PDLIM5: variants seen among roughly 807,000 people sequenced by gnomAD.
PDLIM5 encodes PDZ and LIM domain protein 5.
In PDLIM5, 34 loss-of-function variants were observed where a neutral mutation model predicts 64.2. The ratio of observed to expected loss-of-function variants is 0.53; its 90% confidence interval spans 0.40 to 0.71. The LOEUF (loss-of-function observed/expected upper bound fraction) is 0.71. PDLIM5 is among the 30% of genes least tolerant of loss of function. The pLI, the probability that PDLIM5 is intolerant of heterozygous loss-of-function variation, is 0.00. For missense variants in PDLIM5, 683 were observed against 733.6 expected (o/e 0.93, Z 0.80); for synonymous variants, 253 against 269.1 (o/e 0.94, Z 0.59).
intron 8 of PDLIM5, among the ~76,000 whole-genome samples, chr4:94,622,816 G>C (rs1739348856): frequency 6.6e-6 from 1 of 151,950 alleles, no homozygotes; most frequent in Non-Finnish European, 1.5e-5. Context: ...GACTACAGGT[G>C]CCTGCCACCA....
Position 94,665,826 on chromosome 4 carries a change from C to T in PDLIM5, c.*1759C>T, listed in dbSNP as rs1395235410. On this transcript the variant is annotated 3_prime_UTR_variant, in exon 13 of 13. Coordinates refer to ENST00000317968, the MANE Select transcript of PDLIM5 (RefSeq NM_006457.5). ...ACAAAGTTTGGAAAGCTTTTATTCACAGAGGTTGGGTAGTGTTGGGAGGGG... is the reference window on the plus strand; with the variant it reads ...ACAAAGTTTGGAAAGCTTTTATTCATAGAGGTTGGGTAGTGTTGGGAGGGG... 2 of 1,296,212 alleles carry T rather than the reference C, an allele frequency of 1.5e-6. No individual in the cohort carries two copies. Among genetic ancestry groups the T allele is most frequent in the African/African-American group, 3.0e-5 (2 of 65,810 alleles). 80.3% of individuals were successfully genotyped at this position (1,296,212 alleles called of 1,614,324 possible). A position where few individuals can be genotyped will look rare whatever the true frequency, so the allele number is the denominator to read the frequency against.
intron 3 of PDLIM5, among the ~76,000 whole-genome samples, chr4:94,572,033 T>G (rs568489607): frequency 1.3e-5 from 2 of 152,318 alleles, no homozygotes; most frequent in African/African-American, 4.8e-5. Context: ...TTTGGAAAAT[T>G]CAGTTGCTGC....
intron 2 of PDLIM5, chr4:94,456,919 C>T (rs747924052): frequency 1.1e-4 from 111 of 1,002,450 alleles, no homozygotes; most frequent in East Asian, 6.6e-4. Context: ...CTGTGCTGTG[C>T]GCTCACATGA....
intron 2 of PDLIM5, among the ~76,000 whole-genome samples, chr4:94,498,679 A>G (rs560860227): frequency 1.8e-4 from 28 of 152,338 alleles, no homozygotes; most frequent in African/African-American, 6.0e-4. Flanking sequence ...GAATGAATGA[A>G]TGCATGTGTG....
Position 94,665,817 on chromosome 4 carries a change from T to C in PDLIM5, c.*1750T>C, listed in dbSNP as rs961850681. On this transcript the variant is annotated 3_prime_UTR_variant, in exon 13 of 13. Coordinates refer to ENST00000317968, the MANE Select transcript of PDLIM5 (RefSeq NM_006457.5). ...AATGTGATCACAAAGTTTGGAAAGC[T>C]TTTATTCACAGAGGTTGGGTAGTGT... 4 of 1,292,152 alleles carry C rather than the reference T, an allele frequency of 3.1e-6. No homozygotes were observed. Among genetic ancestry groups the C allele is most frequent in the Non-Finnish European group, 3.9e-6 (4 of 1,023,644 alleles). 80.0% of individuals were successfully genotyped at this position (1,292,152 alleles called of 1,614,324 possible). A position where few individuals can be genotyped will look rare whatever the true frequency, so the allele number is the denominator to read the frequency against.
At chr4:94,468,511 A>T (rs1456764728) in intron 2 of PDLIM5, among the ~76,000 whole-genome samples, 1 of 152,128 alleles carries the variant, frequency 6.6e-6, no homozygotes, top group African/African-American at 2.4e-5. Context: ...AGGAAAGAAA[A>T]CTAAACCTAG....
At chr4:94,621,731 A>G (rs1226863537) in intron 8 of PDLIM5, among the ~76,000 whole-genome samples, 1 of 152,234 alleles carries the variant, frequency 6.6e-6, no homozygotes, top group Non-Finnish European at 1.5e-5. Flanking sequence ...GTCTAATGAA[A>G]TTTGTGAGAA....
intron 2 of PDLIM5, among the ~76,000 whole-genome samples, chr4:94,472,584 T>C (rs2126094675): frequency 6.6e-6 from 1 of 152,304 alleles, no homozygotes; most frequent in African/African-American, 2.4e-5. Flanking sequence ...GCTTTCTAGG[T>C]GTTTTTCCAG....
intron 3 of PDLIM5, among the ~76,000 whole-genome samples, chr4:94,552,543 A>G (rs1044040507): frequency 2.6e-5 from 4 of 152,176 alleles, no homozygotes; most frequent in Non-Finnish European, 5.9e-5. Context: ...AAGAGGCTGC[A>G]TTAAAATTAA....
At chr4:94,476,121 A>G (rs58528979) in intron 2 of PDLIM5, among the ~76,000 whole-genome samples, 2,955 of 152,324 alleles carry the variant, frequency 0.019, 75 homozygotes, top group African/African-American at 0.061. Context: ...TCTCATGAGA[A>G]TAAAGTATGG....
chr4:94,608,276 G>A (rs904858513), intron 7 of PDLIM5: 14 of 797,164 alleles, frequency 1.8e-5, no homozygotes, highest in African/African-American at 1.7e-4. Context: ...GTTGATTACA[G>A]AACGGACATC....
In PDLIM5 at chr4:94,654,617, C is replaced by T. The variant is rs1369595239; in HGVS notation, c.1441C>T (p.Arg481Ter). Residue 481 changes from arginine (R) to a stop codon, truncating the protein, a stop_gained, in exon 10 of 13, where the codon CGA becomes TGA. Coordinates refer to ENST00000317968, the MANE Select transcript of PDLIM5 (RefSeq NM_006457.5). LOFTEE classifies it high-confidence loss of function. ...GAAATTCTTTGCCCCTGAATGTGGTCGATGCCAAAGGAAGATCCTTGGAGT... is the reference window on the plus strand; with the variant it reads ...GAAATTCTTTGCCCCTGAATGTGGTTGATGCCAAAGGAAGATCCTTGGAGT... ...YEKFFAPECG[R>*]CQRKILGEVI... is the part of the protein sequence containing the mutation. 3.7e-6 allele frequency: 6 copies of T among 1,610,094 alleles called. No individual in the cohort carries two copies. The highest frequency in any genetic ancestry group is 1.7e-5 in the Admixed American group (1 of 59,934).
intron 3 of PDLIM5, among the ~76,000 whole-genome samples, chr4:94,539,298 G>A (rs559299199): frequency 1.4e-4 from 21 of 152,170 alleles, no homozygotes; most frequent in Non-Finnish European, 2.1e-4. Flanking sequence ...TTCATACCCC[G>A]AATTCATTTG....
intron 9 of PDLIM5, among the ~76,000 whole-genome samples, chr4:94,642,402 C>T (rs1048294924): frequency 3.3e-5 from 5 of 152,112 alleles, no homozygotes; most frequent in Admixed American, 1.3e-4. Flanking sequence ...TTACATTTCA[C>T]CACCCCTACC....
chr4:94,568,649 A>G (rs1734545652), intron 3 of PDLIM5, among the ~76,000 whole-genome samples: 1 of 152,032 alleles, frequency 6.6e-6, no homozygotes, highest in Non-Finnish European at 1.5e-5. Flanking sequence ...TTTTTCCCTC[A>G]TAAAACTGTT....
intron 8 of PDLIM5, among the ~76,000 whole-genome samples, chr4:94,618,689 G>A (rs1175717770): frequency 6.6e-6 from 1 of 152,164 alleles, no homozygotes; most frequent in East Asian, 1.9e-4. Flanking sequence ...GGATGGAACT[G>A]CCTGGCCTCA....
chr4:94,632,891 ATT>A (rs1740271583), intron 8 of PDLIM5, among the ~76,000 whole-genome samples: 1 of 152,140 alleles, frequency 6.6e-6, no homozygotes, highest in African/African-American at 2.4e-5. Flanking sequence ...CAACACCTTG[ATT>A]TTGACCCAGT....
chr4:94,622,998 C>T (rs1346149983), intron 8 of PDLIM5, among the ~76,000 whole-genome samples: 1 of 152,066 alleles, frequency 6.6e-6, no homozygotes, highest in East Asian at 1.9e-4. Context: ...AAATAAAGAC[C>T]TTAAAAGCTT....
intron 2 of PDLIM5, among the ~76,000 whole-genome samples, chr4:94,494,432 G>GGATTTTTTTTTTTTTTTTTTTTTTTTTTT (rs1553940971): frequency 1.4e-5 from 1 of 70,770 alleles, no homozygotes; most frequent in Non-Finnish European, 2.8e-5. Flanking sequence ...TTTTTTTCTT[G>GGATTTTTTTTTTTTTTTTTTTTTTTTTTT]TTTTTTTTTT....
Sources: allele counts gnomAD v4.1 joint callset (sites outside exome capture counted in the v4.1 genomes callset), GRCh38; gene constraint gnomAD v4.1.1; transcripts MANE v1.5; gene names NCBI Gene and HGNC (gene_info 2026-07-23, HGNC 2026-07-21).